AFF2: variants seen among roughly 807,000 people sequenced by gnomAD.
The protein encoded by AFF2 is AF4/FMR2 family member 2.
A neutral mutation model predicts 76.9 loss-of-function variants in AFF2; 14 were observed. The ratio of observed to expected loss-of-function variants is 0.18; its 90% CI spans 0.12 to 0.28. The LOEUF (loss-of-function observed/expected upper bound fraction) is 0.28. Among genes scored for constraint, AFF2 ranks in the 10% least tolerant of loss-of-function variants. AFF2 has a pLI of 1.00. For synonymous variants in AFF2, 398 were observed against 366.7 expected, an observed-to-expected ratio of 1.09 and a Z score of -0.98; for missense variants, 868 against 1,001.1, an observed-to-expected ratio of 0.87 and a Z score of 1.79.
At chrX:148,938,393 C>G (rs782073260) in intron 9 of AFF2, among the ~76,000 whole-genome samples, 1 of 112,203 alleles carries the variant, frequency 8.9e-6, no homozygotes, top group Non-Finnish European at 1.9e-5. Context: ...TTGCGTGGCA[C>G]ATAACCATAA....
At chrX:148,904,305 C>A in intron 9 of AFF2, 47 bp downstream of exon 9, 1 of 756,753 alleles carries the variant, frequency 1.3e-6, no homozygotes, top group Non-Finnish European at 2.0e-6. Context: ...TTAACGGACT[C>A]GATGCATGTG....
rs782571214 is a variant in AFF2 at position 148,956,472 on chromosome X, A to G, written c.2427A>G (p.Leu809=). The G allele has an allele frequency of 1.5e-5, 18 of 1,209,654 alleles. No individual in the cohort carries two copies. The highest frequency in any genetic ancestry group is 1.8e-5 in the African/African-American group (1 of 57,017). Residue 809 remains leucine, a synonymous_variant, in exon 11 of 21, where the codon TTA becomes TTG. Transcript: ENST00000370460. ...KNLWVKIDLD[L]LSRVPGHSSL... is the part of the protein sequence containing the mutation. ...TCTGGGTGAAGATTGACCTTGACTT[A>G]CTCTCTAGAGTACCTGGCCACAGCT...
At chrX:148,706,946 A>G (rs1358958640) in intron 3 of AFF2, among the ~76,000 whole-genome samples, 1 of 112,277 alleles carries the variant, frequency 8.9e-6, no homozygotes, top group Non-Finnish European at 1.9e-5. Flanking sequence ...GTTTCTTTTG[A>G]GGACAGAGAT....
intron 19 of AFF2, among the ~76,000 whole-genome samples, chrX:148,981,650 C>A (rs2072395617): frequency 8.9e-6 from 1 of 111,863 alleles, no homozygotes; most frequent in African/African-American, 3.2e-5. Flanking sequence ...AGCCCACACC[C>A]CTCAGTGATG....
At chrX:148,838,909 C>G (rs782144674) in intron 5 of AFF2, among the ~76,000 whole-genome samples, 1 of 111,936 alleles carries the variant, frequency 8.9e-6, no homozygotes, top group African/African-American at 3.2e-5. Context: ...CAGAACTAAA[C>G]GAACAGCTAA....
chrX:148,529,022 G>C (rs1557235536), intron 1 of AFF2, among the ~76,000 whole-genome samples: 1 of 112,121 alleles, frequency 8.9e-6, no homozygotes, highest in African/African-American at 3.2e-5. Context: ...TGCTCATAAA[G>C]TTGATAATCA....
intron 1 of AFF2, among the ~76,000 whole-genome samples, chrX:148,501,624 C>T (rs1170476896): frequency 8.8e-6 from 1 of 113,365 alleles, no homozygotes; most frequent in African/African-American, 3.2e-5. Context: ...GCCCCCGCTG[C>T]CGCCACCTCC....
chrX:148,805,961 AG>A (rs1490522125), intron 3 of AFF2, among the ~76,000 whole-genome samples: 3 of 112,139 alleles, frequency 2.7e-5, no homozygotes, highest in Non-Finnish European at 5.6e-5. Context: ...GGGGGCGGAG[AG>A]GGGGAATGAG....
At chrX:148,973,083 G>C (rs1029534856) in intron 15 of AFF2, among the ~76,000 whole-genome samples, 2 of 101,201 alleles carry the variant, frequency 2.0e-5, no homozygotes, top group African/African-American at 3.6e-5. Context: ...TCAGATAGTT[G>C]TAGATATGCG....
At chrX:148,970,604 G>A (rs1557289403) in intron 15 of AFF2, among the ~76,000 whole-genome samples, 1 of 111,924 alleles carries the variant, frequency 8.9e-6, no homozygotes, top group Non-Finnish European at 1.9e-5. Context: ...AAATCAGTAT[G>A]TCTAAGTCAG....
chrX:148,657,035 G>A (rs1161063820), intron 2 of AFF2, among the ~76,000 whole-genome samples: 2 of 111,544 alleles, frequency 1.8e-5, no homozygotes, highest in Non-Finnish European at 3.8e-5. Context: ...TTGAATCATA[G>A]TAATTAATAA....
chrX:148,987,664 G>A (rs1557291760), intron 20 of AFF2, 107 bp downstream of exon 20: 2 of 700,020 alleles, frequency 2.9e-6, no homozygotes, highest in Admixed American at 6.4e-5. Context: ...CTGTCTCTCT[G>A]ATTTCCAGAA....
intron 7 of AFF2, among the ~76,000 whole-genome samples, chrX:148,885,402 G>A (rs1253436299): frequency 9.0e-6 from 1 of 111,226 alleles, no homozygotes; most frequent in Admixed American, 9.6e-5. Context: ...GCAGCAGAGG[G>A]CACTGAAAGG....
chrX:148,725,723 A>G (rs1254618274), intron 3 of AFF2, among the ~76,000 whole-genome samples: 2 of 111,465 alleles, frequency 1.8e-5, no homozygotes, highest in East Asian at 5.6e-4. Context: ...TCTCTAATTG[A>G]TTTTTTCTCC....
At chrX:148,969,716 C>A (rs2072225723) in intron 15 of AFF2, among the ~76,000 whole-genome samples, 1 of 111,039 alleles carries the variant, frequency 9.0e-6, no homozygotes, top group South Asian at 3.8e-4. Context: ...GATGCAGAAC[C>A]CACGGATACA....
chrX:148,936,351 C>T (rs1216177833), intron 9 of AFF2, among the ~76,000 whole-genome samples: 1 of 112,130 alleles, frequency 8.9e-6, no homozygotes. Context: ...ATTGTCAAGG[C>T]TGTAACTTTG....
chrX:148,944,114 G>A (rs1406399483), intron 9 of AFF2, among the ~76,000 whole-genome samples: 1 of 112,271 alleles, frequency 8.9e-6, no homozygotes, highest in Admixed American at 9.4e-5. Flanking sequence ...CTATCTTCAG[G>A]AAGACCTGTG....
chrX:148,634,935 C>T (rs1342312949), intron 1 of AFF2, among the ~76,000 whole-genome samples: 1 of 111,685 alleles, frequency 9.0e-6, no homozygotes, highest in African/African-American at 3.3e-5. Flanking sequence ...AAACCATTCT[C>T]ATGCATTAAT....
intron 9 of AFF2, among the ~76,000 whole-genome samples, chrX:148,931,340 G>T (rs1206642029): frequency 5.5e-5 from 6 of 108,136 alleles, no homozygotes; most frequent in Non-Finnish European, 1.1e-4. Flanking sequence ...CATAGTATCT[G>T]CCCATTGCAG....
Sources: allele counts gnomAD v4.1 joint callset (sites outside exome capture counted in the v4.1 genomes callset), GRCh38; gene constraint gnomAD v4.1.1; transcripts MANE v1.5; gene names NCBI Gene and HGNC (gene_info 2026-07-23, HGNC 2026-07-21).